BIRC5: variants seen among roughly 807,000 people sequenced by gnomAD.
BIRC5 encodes baculoviral IAP repeat containing 5.
In BIRC5, 8 loss-of-function variants were observed where a neutral mutation model predicts 15.8. That is an observed-to-expected ratio of 0.51 (90% CI 0.30 to 0.91). BIRC5 has a LOEUF of 0.91. BIRC5 is among the 40% of genes least tolerant of loss of function. The probability of loss-of-function intolerance (pLI) is 0.07; values close to 1 mark genes in which losing one functional copy is unlikely to be tolerated. For missense variants in BIRC5, 163 were observed against 178.6 expected, an observed-to-expected ratio of 0.91 and a Z score of 0.50; for synonymous variants, 56 against 64.5, an observed-to-expected ratio of 0.87 and a Z score of 0.63.
chr17:78,215,843 T>C, intron 2 of BIRC5: 1 of 1,033,192 alleles, frequency 9.7e-7, no homozygotes, highest in Non-Finnish European at 1.2e-6. Context: ...GTAATGCAGT[T>C]CTGGTAACGG....
chr17:78,222,089 T>C (rs912985895), intron 3 of BIRC5, among the ~76,000 whole-genome samples: 3 of 151,988 alleles, frequency 2.0e-5, no homozygotes, highest in African/African-American at 7.2e-5. Flanking sequence ...TAGTCTCAGC[T>C]ACTCAGGAGG....
At position 78,225,285 on chromosome 17, in the gene BIRC5, G is replaced by T. The variant is rs1372854025; in HGVS notation, c.*1731G>T. 2 of 152,222 alleles carry T rather than the reference G, an allele frequency of 1.3e-5. No individual in the cohort carries two copies. Among genetic ancestry groups the T allele is most frequent in the Non-Finnish European group, 2.9e-5 (2 of 68,052 alleles). The allele number at this position is 152,222 out of a possible 1,614,324, so 9.4% of individuals were successfully genotyped here. A position where few individuals can be genotyped will look rare whatever the true frequency, so the allele number is the denominator to read the frequency against. On this transcript the variant is annotated 3_prime_UTR_variant, in exon 4 of 4. Transcript: ENST00000350051. ...GCCATCCTTAAAACCAGACCCTCAT[G>T]GCTACCAGCACCTGAAAGCTTCCTC...
chr17:78,214,867 A>C (rs758895182), intron 2 of BIRC5, 78 bp downstream of exon 2: 2 of 1,353,664 alleles, frequency 1.5e-6, no homozygotes, highest in African/African-American at 2.9e-5. Context: ...AAAGACACTT[A>C]GTATGGGAGG....
At chr17:78,217,450 A>G (rs1407198145) in intron 3 of BIRC5, among the ~76,000 whole-genome samples, 1 of 152,106 alleles carries the variant, frequency 6.6e-6, no homozygotes, top group South Asian at 2.1e-4. Flanking sequence ...TGCTGAGATT[A>G]TAGGTGTGAG....
rs1396760545 is a variant in BIRC5, at chr17:78,225,527, C to G, written c.*1973C>G. ...CCTGGAAAGTAGAGACAGCAGTGCCCGCTGCCCAGAAGAGACCAGCAAGCC... is the reference window on the plus strand; with the variant it reads ...CCTGGAAAGTAGAGACAGCAGTGCCGGCTGCCCAGAAGAGACCAGCAAGCC... On this transcript the variant is annotated 3_prime_UTR_variant, in exon 4 of 4. Transcript: ENST00000350051. 1 of 152,236 alleles carries G rather than the reference C, an allele frequency of 6.6e-6. No homozygotes were observed. Among genetic ancestry groups the G allele is most frequent in the Non-Finnish European group, 1.5e-5 (1 of 68,048 alleles). The allele number at this position is 152,236 out of a possible 1,614,324, so 9.4% of individuals were successfully genotyped here.
intron 3 of BIRC5, among the ~76,000 whole-genome samples, chr17:78,220,186 T>C (rs2076505409): frequency 6.6e-6 from 1 of 152,164 alleles, no homozygotes; most frequent in East Asian, 1.9e-4. Context: ...CCCAGCACTT[T>C]GGGAGGCCGA....
At chr17:78,218,804 A>G (rs1274582949) in intron 3 of BIRC5, among the ~76,000 whole-genome samples, 1 of 151,966 alleles carries the variant, frequency 6.6e-6, no homozygotes, top group Non-Finnish European at 1.5e-5. Flanking sequence ...ACAAGGTTTC[A>G]TCATGTTGGC....
chr17:78,222,606 G>A (rs1018457203), intron 3 of BIRC5, among the ~76,000 whole-genome samples: 2 of 152,170 alleles, frequency 1.3e-5, no homozygotes, highest in East Asian at 1.9e-4. Context: ...CAGAGGTTGC[G>A]GTGAGCCAAG....
At chr17:78,214,941 G>A in intron 2 of BIRC5, 152 bp downstream of exon 2, 1 of 703,856 alleles carries the variant, frequency 1.4e-6, no homozygotes, top group Non-Finnish European at 2.4e-6. Context: ...CTATATGCTG[G>A]TGCCTTGGTG....
rs1332430682 is a variant in BIRC5 at position 78,214,671 on chromosome 17, C to A, written c.112-9C>A. On this transcript the variant is annotated splice_polypyrimidine_tract_variant and intron_variant, in intron 1 of 3. Transcript: ENST00000350051. ...CACGTCCACTCACGAGCTGTGCTGT[C>A]CCTTGCAGATGGCCGAGGCTGGCTT... The A allele has an allele frequency of 3.8e-6, 6 of 1,594,566 alleles. No homozygotes were observed. Among genetic ancestry groups the A allele is most frequent in the South Asian group, 1.1e-5 (1 of 88,346 alleles).
Position 78,214,341 on chromosome 17 carries a change from G to A in BIRC5, c.25G>A (p.Ala9Thr), listed in dbSNP as rs143160639. The change falls in exon 1 of 4, where the codon GCC becomes ACC. Residue 9 changes from alanine (A) to threonine (T), a missense_variant. Ala to Thr is a moderately conservative substitution (Grantham distance 58). Transcript: ENST00000350051. ...CATGGGTGCCCCGACGTTGCCCCCT[G>A]CCTGGCAGCCCTTTCTCAAGGACCA... MGAPTLPP[A>T]WQPFLKDHRI... The A allele has an allele frequency of 2.6e-5, 42 of 1,608,840 alleles. No individual in the cohort carries two copies. Among genetic ancestry groups the A allele is most frequent in the Non-Finnish European group, 3.6e-5 (42 of 1,178,120 alleles).
intron 3 of BIRC5, among the ~76,000 whole-genome samples, chr17:78,218,442 C>T (rs2076495122): frequency 1.3e-5 from 2 of 151,036 alleles, no homozygotes; most frequent in African/African-American, 2.4e-5. Context: ...TACAGGCACG[C>T]ACCACCATGC....
rs528985143 is a variant in BIRC5, at chr17:78,222,916, T to G, written c.340-549T>G. 527 of 1,534,608 alleles carry G rather than the reference T, an allele frequency of 3.4e-4. 7 individuals carry two copies. Among genetic ancestry groups the G allele is most frequent in the Middle Eastern group, 2.7e-3 (16 of 5,976 alleles). ...AAGAATTTCTGTTCGAGGAAGAGCC[T>G]GATGTTTGCCAGGGTCTGTTTAACT... On this transcript the variant is annotated intron_variant, in intron 3 of 3. Coordinates refer to ENST00000350051, the MANE Select transcript of BIRC5 (RefSeq NM_001168.3).
In BIRC5 at chr17:78,214,424, G is replaced by A; in HGVS notation, c.108G>A (p.Glu36=). The change falls in exon 1 of 4, where the codon GAG becomes GAA. Residue 36 remains glutamate (E), a synonymous_variant. Transcript: ENST00000350051. ...TGGAGGGCTGCGCCTGCACCCCGGA[G>A]CGGGTGAGACTGCCCGGCCTCCTGG... The part of the protein sequence containing the change: ...PFLEGCACTP[E]RMAEAGFIHC... 1 of 1,572,290 alleles carries A rather than the reference G, an allele frequency of 6.4e-7. No individual in the cohort carries two copies. The highest frequency in any genetic ancestry group is 8.6e-7 in the Non-Finnish European group (1 of 1,157,928).
intron 1 of BIRC5, 41 bp from the exon 2 acceptor site, chr17:78,214,639 G>T: frequency 6.5e-7 from 1 of 1,532,116 alleles, no homozygotes; most frequent in African/African-American, 1.4e-5. Flanking sequence ...TCGGGGTTCC[G>T]GGCTGCCACG....
At chr17:78,221,064 C>G (rs373393614) in intron 3 of BIRC5, among the ~76,000 whole-genome samples, 53 of 152,212 alleles carry the variant, frequency 3.5e-4, no homozygotes, top group African/African-American at 1.3e-3. Flanking sequence ...CTGCTGCTGC[C>G]TCGGTGCTTA....
Position 78,223,585 on chromosome 17 carries a change from G to A in BIRC5, c.*31G>A. 6.2e-7 allele frequency: 1 copy of A among 1,613,516 alleles called. No individual in the cohort carries two copies. Among genetic ancestry groups the A allele is most frequent in the South Asian group, 1.1e-5 (1 of 90,882 alleles). ...CTGGCCGGAGCTGCCTGGTCCCAGAGTGGCTGCACCACTTCCAGGGTTTAT... is the reference window on the plus strand; with the variant it reads ...CTGGCCGGAGCTGCCTGGTCCCAGAATGGCTGCACCACTTCCAGGGTTTAT... On this transcript the variant is annotated 3_prime_UTR_variant, in exon 4 of 4. Coordinates refer to ENST00000350051, the MANE Select transcript of BIRC5 (RefSeq NM_001168.3).
intron 3 of BIRC5, among the ~76,000 whole-genome samples, chr17:78,222,319 A>G (rs981216635): frequency 1.3e-5 from 2 of 151,372 alleles, no homozygotes; most frequent in East Asian, 1.9e-4. Flanking sequence ...AAAATGACAA[A>G]TTTTTATTAC....
intron 3 of BIRC5, 61 bp from the exon 4 acceptor site, chr17:78,223,404 T>C: frequency 2.1e-6 from 3 of 1,447,830 alleles, no homozygotes; most frequent in Non-Finnish European, 1.9e-6. Flanking sequence ...TGTCATCTTA[T>C]CTACAGGATG....
Sources: allele counts gnomAD v4.1 joint callset (sites outside exome capture counted in the v4.1 genomes callset), GRCh38; gene constraint gnomAD v4.1.1; transcripts MANE v1.5; gene names NCBI Gene and HGNC (gene_info 2026-07-23, HGNC 2026-07-21).